Variants in MYO1D observed in about 807,000 individuals in gnomAD.
MYO1D encodes the protein myosin ID.
In MYO1D, 83 loss-of-function variants were observed where a neutral mutation model predicts 122.0. The ratio of observed to expected loss-of-function variants is 0.68; its 90% CI spans 0.57 to 0.82. MYO1D has a LOEUF of 0.82. Ranked by LOEUF, MYO1D falls within the 40% of genes least tolerant of loss-of-function variation. The pLI, the probability that MYO1D is intolerant of heterozygous loss-of-function variation, is 0.00. For synonymous variants in MYO1D, 464 were observed against 446.9 expected, an observed-to-expected ratio of 1.04 and a Z score of -0.48; for missense variants, 1,157 against 1,269.5, an observed-to-expected ratio of 0.91 and a Z score of 1.35.
At chr17:32,859,839 C>T (rs1018834923) in intron 1 of MYO1D, among the ~76,000 whole-genome samples, 2 of 152,172 alleles carry the variant, frequency 1.3e-5, no homozygotes, top group African/African-American at 2.4e-5. Context: ...ATATCCTATT[C>T]TGCCCCTAAA....
intron 21 of MYO1D, chr17:32,495,645 C>T (rs1472755781): frequency 6.6e-6 from 1 of 152,360 alleles, no homozygotes; most frequent in Non-Finnish European, 1.5e-5. Flanking sequence ...TCCTCCAGCT[C>T]CTCACACGAC....
At chr17:32,495,296 A>G (rs532457413) in intron 21 of MYO1D, among the ~76,000 whole-genome samples, 1 of 152,312 alleles carries the variant, frequency 6.6e-6, no homozygotes, top group African/African-American at 2.4e-5. Context: ...CCCGTGCCAC[A>G]TGCCCCAGTG....
At chr17:32,771,997 A>G (rs987231484) in intron 5 of MYO1D, among the ~76,000 whole-genome samples, 1 of 152,232 alleles carries the variant, frequency 6.6e-6, no homozygotes, top group Admixed American at 6.5e-5. Flanking sequence ...GATTTTAAAA[A>G]TTGATTTTTA....
chr17:32,757,597 G>A (rs1203905329), intron 10 of MYO1D, among the ~76,000 whole-genome samples: 2 of 152,094 alleles, frequency 1.3e-5, no homozygotes, highest in Non-Finnish European at 2.9e-5. Context: ...TACTCAAAAA[G>A]CAGGAGCTCT....
intron 17 of MYO1D, 64 bp from the exon 18 acceptor site, chr17:32,654,685 T>C (rs961498108): frequency 8.9e-5 from 67 of 752,660 alleles, no homozygotes; most frequent in Non-Finnish European, 1.1e-4. Context: ...TCTCTCTCTC[T>C]TTTTTTTTTT....
intron 1 of MYO1D, among the ~76,000 whole-genome samples, chr17:32,862,711 C>T (rs190398743): frequency 2.9e-4 from 44 of 151,626 alleles, no homozygotes; most frequent in African/African-American, 9.0e-4. Context: ...TGATTATCAA[C>T]GATTAAATTG....
chr17:32,548,863 A>T (rs1304656465), intron 21 of MYO1D, among the ~76,000 whole-genome samples: 1 of 151,440 alleles, frequency 6.6e-6, no homozygotes, highest in Non-Finnish European at 1.5e-5. Flanking sequence ...ACAGGTGTGC[A>T]CCACCGCGCC....
At chr17:32,710,842 CA>C (rs2089366684) in intron 16 of MYO1D, among the ~76,000 whole-genome samples, 1 of 152,078 alleles carries the variant, frequency 6.6e-6, no homozygotes, top group Non-Finnish European at 1.5e-5. Context: ...CAAAGGTAAT[CA>C]GAGAAATACA....
At chr17:32,500,615 G>A (rs368145824) in intron 21 of MYO1D, among the ~76,000 whole-genome samples, 1 of 152,166 alleles carries the variant, frequency 6.6e-6, no homozygotes, top group African/African-American at 2.4e-5. Context: ...CGAACAACAA[G>A]GGCAAGAAGA....
Position 32,659,342 on chromosome 17 carries a change from C to T in MYO1D, c.2122-4G>A. The T allele has an allele frequency of 6.2e-7, 1 of 1,613,728 alleles. No homozygotes were observed. Among genetic ancestry groups the T allele is most frequent in the South Asian group, 1.1e-5 (1 of 91,028 alleles). ...GGGCCAGGGTGCCCCGCCACACCTT[C>T]ACAATAGAGAAAGAAAAAGGAAAAC... On this transcript the variant is annotated splice_region_variant and splice_polypyrimidine_tract_variant and intron_variant, in intron 16 of 21. Transcript: ENST00000318217.
chr17:32,748,340 T>C (rs975993016), intron 12 of MYO1D, among the ~76,000 whole-genome samples: 5 of 152,154 alleles, frequency 3.3e-5, no homozygotes, highest in Non-Finnish European at 7.3e-5. Context: ...TTATGCCTAC[T>C]GTTTCTTCTA....
intron 15 of MYO1D, 26 bp from the exon 16 acceptor site, chr17:32,712,221 A>G (rs756920980): frequency 6.3e-7 from 1 of 1,589,182 alleles, no homozygotes; most frequent in Non-Finnish European, 8.6e-7. Context: ...AAACAGGGTT[A>G]AGGGAGAAAA....
intron 21 of MYO1D, among the ~76,000 whole-genome samples, chr17:32,541,502 G>A (rs1476438650): frequency 6.6e-6 from 1 of 152,186 alleles, no homozygotes; most frequent in East Asian, 1.9e-4. Flanking sequence ...ATTGATTATG[G>A]TCATAGTTGC....
chr17:32,706,376 G>A (rs1381765879), intron 16 of MYO1D, among the ~76,000 whole-genome samples: 1 of 152,142 alleles, frequency 6.6e-6, no homozygotes, highest in Non-Finnish European at 1.5e-5. Flanking sequence ...CCAAAGTGCT[G>A]GGATTATAGG....
chr17:32,677,704 T>C (rs571363416), intron 16 of MYO1D, among the ~76,000 whole-genome samples: 3 of 151,870 alleles, frequency 2.0e-5, no homozygotes, highest in Admixed American at 6.6e-5. Flanking sequence ...GTTTTTAATA[T>C]ATGTCATAAT....
intron 16 of MYO1D, 107 bp from the exon 17 acceptor site, chr17:32,659,445 C>T (rs2088526935): frequency 1.8e-6 from 2 of 1,113,728 alleles, no homozygotes; most frequent in Admixed American, 2.1e-5. Flanking sequence ...AGGCAACTTG[C>T]AAGTGTGCAC....
intron 21 of MYO1D, among the ~76,000 whole-genome samples, chr17:32,538,800 C>A (rs954908488): frequency 6.6e-6 from 1 of 152,134 alleles, no homozygotes; most frequent in African/African-American, 2.4e-5. Context: ...TTTGCAGGAA[C>A]ATGGGTGGAG....
intron 21 of MYO1D, among the ~76,000 whole-genome samples, chr17:32,511,252 G>T (rs769717866): frequency 6.6e-6 from 1 of 150,482 alleles, no homozygotes; most frequent in Non-Finnish European, 1.5e-5. Flanking sequence ...ACAGGGTCTT[G>T]CTGCTCTGTT....
chr17:32,760,327 T>A lies in MYO1D; in HGVS notation c.1259A>T (p.Gln420Leu), dbSNP rs749110858. Residue 420 changes from glutamine (Q) to leucine (L), a missense_variant, in exon 10 of 22, where the codon CAA becomes CTA. Coordinates refer to ENST00000318217, the MANE Select transcript of MYO1D (RefSeq NM_015194.3). ...LFIQLVLKQEQEEYQREGIPW... is the reference protein window; with the variant it reads ...LFIQLVLKQELEEYQREGIPW... ...GATCCCTTCCCGCTGGTATTCCTCT[T>A]GTTCTTGCTTCAGAACCAGCTGAAT... is the stretch of plus-strand genomic sequence containing the variant. The A allele has an allele frequency of 1.2e-6, 2 of 1,612,554 alleles. No homozygotes were observed. Among genetic ancestry groups the A allele is most frequent in the South Asian group, 1.1e-5 (1 of 90,822 alleles).
Sources: gnomAD v4.1 joint callset for allele counts (sites outside exome capture counted in the v4.1 genomes callset) on GRCh38, gnomAD v4.1.1 for gene constraint, MANE v1.5 for transcripts, NCBI Gene and HGNC (gene_info 2026-07-23, HGNC 2026-07-21) for gene names.